Variants in ZC3HAV1L observed in about 807,000 individuals in gnomAD.
The protein encoded by ZC3HAV1L is ZC3HAV1 like, also known as zinc finger CCCH-type antiviral protein 1-like.
In ZC3HAV1L, 23 loss-of-function variants were observed where a neutral mutation model predicts 28.2. The ratio of observed to expected loss-of-function variants is 0.82; its 90% CI spans 0.59 to 1.16. ZC3HAV1L has a LOEUF of 1.16. Ranked by LOEUF, ZC3HAV1L falls within the 50% of genes most tolerant of loss-of-function variation. The pLI, the probability that ZC3HAV1L is intolerant of heterozygous loss-of-function variation, is 0.00. For synonymous variants in ZC3HAV1L, 180 were observed against 163.4 expected, an observed-to-expected ratio of 1.10 and a Z score of -0.78; for missense variants, 376 against 387.7, an observed-to-expected ratio of 0.97 and a Z score of 0.25.
intron 2 of ZC3HAV1L, among the ~76,000 whole-genome samples, chr7:139,032,622 C>CA (rs1042502202): frequency 3.4e-5 from 4 of 118,034 alleles, no homozygotes; most frequent in Admixed American, 1.8e-4. Flanking sequence ...GACTCCATCT[C>CA]AAAAAAAAAG....
At chr7:139,021,611 G>A (rs913387595), downstream of ZC3HAV1L, among the ~76,000 whole-genome samples, 4 of 151,876 alleles carry the variant, frequency 2.6e-5, no homozygotes, top group Non-Finnish European at 5.9e-5. Flanking sequence ...AGGAATTTAA[G>A]GATGTTTTAA....
intron 2 of ZC3HAV1L, chr7:139,033,861 C>T (rs979000951): frequency 1.0e-6 from 1 of 985,316 alleles, no homozygotes; most frequent in Admixed American, 6.1e-5. Context: ...TCCCTTCCTG[C>T]CAATAACCTG....
At chr7:139,022,794 T>C (rs1055084188), downstream of ZC3HAV1L, among the ~76,000 whole-genome samples, 2 of 152,210 alleles carry the variant, frequency 1.3e-5, no homozygotes, top group African/African-American at 2.4e-5. Context: ...GTCACCTCTT[T>C]TGGAGTCAAG....
downstream of ZC3HAV1L, among the ~76,000 whole-genome samples, chr7:139,022,708 T>TA (rs1329024458): frequency 2.0e-5 from 3 of 151,986 alleles, no homozygotes; most frequent in Non-Finnish European, 2.9e-5. Context: ...AGCTAGTGAG[T>TA]AAAAAAACAC....
At chr7:139,024,612 A>G (rs906707248), downstream of ZC3HAV1L, among the ~76,000 whole-genome samples, 1 of 152,344 alleles carries the variant, frequency 6.6e-6, no homozygotes, top group East Asian at 1.9e-4. Flanking sequence ...TTGACAATGA[A>G]AGTAAAAAGC....
At chr7:139,025,085 G>A (rs989272821), downstream of ZC3HAV1L, among the ~76,000 whole-genome samples, 1 of 152,164 alleles carries the variant, frequency 6.6e-6, no homozygotes, top group African/African-American at 2.4e-5. Context: ...CAGGAAGAAT[G>A]GATACAATTT....
intron 2 of ZC3HAV1L, chr7:139,034,265 T>G: frequency 1.2e-6 from 1 of 847,628 alleles, no homozygotes; most frequent in Non-Finnish European, 1.4e-6. Context: ...TGTGCTAGAT[T>G]AGAAAATCTT....
Position 139,036,010 on chromosome 7 carries a change from T to C in ZC3HAV1L, c.8A>G (p.Glu3Gly), listed in dbSNP as rs956646748. 5 of 1,506,856 alleles carry C rather than the reference T, an allele frequency of 3.3e-6. No homozygotes were observed. Among genetic ancestry groups the C allele is most frequent in the African/African-American group, 1.4e-5 (1 of 68,996 alleles). 93.3% of individuals were successfully genotyped at this position (1,506,856 alleles called of 1,614,324 possible). The change falls in exon 1 of 5, where the codon GAG (glutamate) becomes GGG (glycine). Residue 3 changes from glutamate (E) to glycine (G), a missense_variant. Glu to Gly is a moderately conservative substitution (Grantham distance 98). Coordinates refer to ENST00000275766, the MANE Select transcript of ZC3HAV1L (RefSeq NM_080660.4). ...GGTGAGGAAGGAGCACACTGTGGGC[T>C]CCGCCATGGTCGCTGGCGCGGGCCC... Reference protein sequence around the residue: MAEPTVCSFLTKV... With the variant: MAGPTVCSFLTKV...
chr7:139,027,677 C>T (rs1815395436), intron 3 of ZC3HAV1L, among the ~76,000 whole-genome samples: 1 of 151,850 alleles, frequency 6.6e-6, no homozygotes, highest in African/African-American at 2.4e-5. Context: ...ATCCTGTCTT[C>T]AAAAACAACA....
chr7:139,023,775 C>T (rs563930267), downstream of ZC3HAV1L, among the ~76,000 whole-genome samples: 1 of 152,206 alleles, frequency 6.6e-6, no homozygotes, highest in South Asian at 2.1e-4. Context: ...TAACAGATGA[C>T]TTGAAAACCA....
chr7:139,023,964 G>A (rs988364851), downstream of ZC3HAV1L, among the ~76,000 whole-genome samples: 1 of 152,134 alleles, frequency 6.6e-6, no homozygotes, highest in Non-Finnish European at 1.5e-5. Flanking sequence ...AGAAAAAAAA[G>A]TATAGGACAA....
In ZC3HAV1L at chr7:139,031,937, C is replaced by T. The variant is rs575933579; in HGVS notation, c.501+2606G>A. On this transcript the variant is annotated intron_variant, in intron 2 of 4. Transcript: ENST00000275766. The stretch of plus-strand genomic sequence containing the variant: ...CAAAACAAAAAAAAGTAGCTGGGTG[C>T]GGTGGTGTACACCTGCAGTCCCAGC... Among the ~76,000 whole-genome samples the T allele has an allele frequency of 4.6e-5, 7 of 151,602 alleles. 1 individual carries two copies. Among genetic ancestry groups the T allele is most frequent in the South Asian group, 4.2e-4 (2 of 4,782 alleles).
Position 139,026,532 on chromosome 7 carries a change from T to C in ZC3HAV1L, c.*12A>G. 1.2e-6 allele frequency: 2 copies of C among 1,614,058 alleles called. No individual in the cohort carries two copies. Among genetic ancestry groups the C allele is most frequent in the South Asian group, 1.1e-5 (1 of 91,082 alleles). ...TTCTTCCAAAAGGACATTTTCTCCT[T>C]TTCCATCTTCTTTACTTCTCGCAAG... On this transcript the variant is annotated 3_prime_UTR_variant, in exon 5 of 5. Transcript: ENST00000275766.
chr7:139,031,731 C>G (rs531672276), intron 2 of ZC3HAV1L, among the ~76,000 whole-genome samples: 7 of 152,246 alleles, frequency 4.6e-5, no homozygotes, highest in African/African-American at 1.7e-4. Context: ...ATGACAAACC[C>G]CATCTCTACT....
At chr7:139,022,396 AT>A, downstream of ZC3HAV1L, 1 of 437,524 alleles carries the variant, frequency 2.3e-6, no homozygotes. Flanking sequence ...ACCTAAAAAG[AT>A]TAGCTGAGTA....
intron 3 of ZC3HAV1L, 107 bp downstream of exon 3, chr7:139,028,594 CT>C: frequency 2.9e-6 from 4 of 1,398,470 alleles, no homozygotes; most frequent in Non-Finnish European, 3.9e-6. Flanking sequence ...AACATAGGAA[CT>C]GCTTTGCCCC....
At chr7:139,035,248 G>C (rs752888925) in intron 1 of ZC3HAV1L, 1 of 985,258 alleles carries the variant, frequency 1.0e-6, no homozygotes, top group African/African-American at 1.7e-5. Flanking sequence ...TGGATATGGG[G>C]GAGCAGCGAT....
intron 2 of ZC3HAV1L, 137 bp from the exon 3 acceptor site, chr7:139,029,097 C>T (rs1329559076): frequency 1.2e-5 from 12 of 1,018,848 alleles, no homozygotes; most frequent in African/African-American, 6.5e-5. Context: ...CCATCTCCCG[C>T]GTTCAAGCAA....
chr7:139,026,284 G>A lies in ZC3HAV1L; in HGVS notation c.*260C>T. 1 of 485,334 alleles carries A rather than the reference G, an allele frequency of 2.1e-6. No individual in the cohort carries two copies. The highest frequency in any genetic ancestry group is 3.6e-6 in the Non-Finnish European group (1 of 277,486). 30.1% of individuals were successfully genotyped at this position (485,334 alleles called of 1,614,324 possible). A position where few individuals can be genotyped will look rare whatever the true frequency, so the allele number is the denominator to read the frequency against. On this transcript the variant is annotated 3_prime_UTR_variant, in exon 5 of 5. Transcript: ENST00000275766. The stretch of plus-strand genomic sequence containing the variant: ...AGTGAAAAAAAAAAATGAGTGCAAA[G>A]TACTCTAGGATTGCCACAATATAAA...
Sources: allele counts gnomAD v4.1 joint callset (sites outside exome capture counted in the v4.1 genomes callset), GRCh38; gene constraint gnomAD v4.1.1; transcripts MANE v1.5; gene names NCBI Gene and HGNC (gene_info 2026-07-23, HGNC 2026-07-21).